Variants in SUCLG2 observed in about 807,000 individuals in gnomAD.
SUCLG2 encodes succinate-CoA ligase GDP-forming subunit beta, also known as succinate--CoA ligase [GDP-forming] subunit beta, mitochondrial.
SUCLG2 carries 42 observed loss-of-function variants against 47.9 expected under a neutral mutation model. The observed-to-expected ratio is 0.88, with a 90% confidence interval of 0.69 to 1.14. SUCLG2 has a LOEUF of 1.14. SUCLG2 is among the 50% of genes most tolerant of loss of function. The probability of loss-of-function intolerance (pLI) is 0.00; values close to 1 mark genes in which losing one functional copy is unlikely to be tolerated. For missense variants in SUCLG2, 571 were observed against 525.9 expected, an observed-to-expected ratio of 1.09 and a Z score of -0.84; for synonymous variants, 195 against 197.3, an observed-to-expected ratio of 0.99 and a Z score of 0.10.
intron 9 of SUCLG2, among the ~76,000 whole-genome samples, chr3:67,458,171 T>C (rs1704235996): frequency 6.6e-6 from 1 of 152,124 alleles, no homozygotes; most frequent in African/African-American, 2.4e-5. Flanking sequence ...GAATGAACAC[T>C]GACAAGAACA....
At chr3:67,441,638 T>C (rs1703766728) in intron 9 of SUCLG2, among the ~76,000 whole-genome samples, 1 of 152,196 alleles carries the variant, frequency 6.6e-6, no homozygotes, top group Non-Finnish European at 1.5e-5. Context: ...TGTTCTAAGT[T>C]GCTCAACTTT....
intron 9 of SUCLG2, among the ~76,000 whole-genome samples, chr3:67,490,318 G>T (rs551912099): frequency 2.6e-4 from 39 of 152,190 alleles, no homozygotes; most frequent in African/African-American, 8.9e-4. Context: ...AAAACGTAAG[G>T]CATTTGCATA....
At chr3:67,531,752 A>G (rs1421355809) in intron 2 of SUCLG2, among the ~76,000 whole-genome samples, 1 of 152,202 alleles carries the variant, frequency 6.6e-6, no homozygotes, top group African/African-American at 2.4e-5. Context: ...TCAGCAGCCC[A>G]AAGTAAAGCA....
At chr3:67,537,242 C>T (rs1007143125) in intron 2 of SUCLG2, among the ~76,000 whole-genome samples, 3 of 152,190 alleles carry the variant, frequency 2.0e-5, no homozygotes, top group Admixed American at 1.3e-4. Context: ...CCGACAGGCC[C>T]CAGTGTGTGA....
chr3:67,592,970 A>T (rs1381232855), intron 2 of SUCLG2, among the ~76,000 whole-genome samples: 2 of 152,204 alleles, frequency 1.3e-5, no homozygotes, highest in African/African-American at 4.8e-5. Context: ...ATAGAAGCAA[A>T]CCACTATGGT....
intron 9 of SUCLG2, among the ~76,000 whole-genome samples, chr3:67,417,868 T>C (rs557898170): frequency 2.6e-5 from 4 of 152,324 alleles, no homozygotes; most frequent in East Asian, 3.9e-4. Flanking sequence ...AGGTGGCCCA[T>C]TGCATCCCTC....
chr3:67,501,783 T>C (rs1239017192), intron 7 of SUCLG2, among the ~76,000 whole-genome samples: 1 of 151,944 alleles, frequency 6.6e-6, no homozygotes, highest in East Asian at 1.9e-4. Flanking sequence ...CACAGGGAGG[T>C]GCTACAGGGT....
chr3:67,571,354 C>T (rs1352480724), intron 2 of SUCLG2, among the ~76,000 whole-genome samples: 1 of 152,176 alleles, frequency 6.6e-6, no homozygotes, highest in Admixed American at 6.5e-5. Flanking sequence ...AAAATGTCTA[C>T]ATCATCAGGT....
chr3:67,633,075 C>T (rs189039031), intron 1 of SUCLG2, among the ~76,000 whole-genome samples: 3 of 152,282 alleles, frequency 2.0e-5, no homozygotes, highest in Non-Finnish European at 1.5e-5. Flanking sequence ...ATTCTCATCG[C>T]TAGAATCCAC....
At chr3:67,525,179 T>C (rs915391316) in intron 4 of SUCLG2, among the ~76,000 whole-genome samples, 7 of 152,132 alleles carry the variant, frequency 4.6e-5, no homozygotes, top group Non-Finnish European at 1.0e-4. Context: ...TTGCAAGGCT[T>C]AACATAACAA....
chr3:67,636,324 G>A (rs1363330411), intron 1 of SUCLG2, among the ~76,000 whole-genome samples: 2 of 151,836 alleles, frequency 1.3e-5, no homozygotes, highest in Admixed American at 1.3e-4. Context: ...CATTCAAAGA[G>A]GTAGGAAAAT....
intron 1 of SUCLG2, among the ~76,000 whole-genome samples, chr3:67,647,984 T>G (rs748550332): frequency 2.0e-5 from 3 of 152,206 alleles, no homozygotes; most frequent in Non-Finnish European, 4.4e-5. Context: ...TTATTCTAGC[T>G]CAATAAAGCC....
intron 1 of SUCLG2, among the ~76,000 whole-genome samples, chr3:67,631,035 G>T (rs1700916782): frequency 6.6e-6 from 1 of 152,174 alleles, no homozygotes; most frequent in Admixed American, 6.5e-5. Context: ...ATAAGAAGAT[G>T]CAGATAAACT....
intron 10 of SUCLG2, among the ~76,000 whole-genome samples, chr3:67,391,437 A>C (rs559478726): frequency 2.0e-5 from 3 of 152,194 alleles, no homozygotes; most frequent in African/African-American, 7.2e-5. Flanking sequence ...GCTGGAGGAG[A>C]GAAAGAAACC....
intron 9 of SUCLG2, among the ~76,000 whole-genome samples, chr3:67,420,508 G>A (rs891164335): frequency 6.6e-6 from 1 of 152,208 alleles, no homozygotes; most frequent in African/African-American, 2.4e-5. Flanking sequence ...GTGGGATGGT[G>A]TGGGAAATAA....
At position 67,622,251 on chromosome 3, in the gene SUCLG2, T is replaced by C. The variant is rs140026367; in HGVS notation, c.85-12655A>G. Among the ~76,000 whole-genome samples, 186 of 152,276 alleles carry C rather than the reference T, an allele frequency of 1.2e-3. 2 individuals carry two copies. Among genetic ancestry groups the C allele is most frequent in the African/African-American group, 4.2e-3 (174 of 41,548 alleles). ...ACAAAGCAAAACACAGGGGAAAAAC[T>C]AGCAAGTGGTAGAACAAGAGGAACA... On this transcript the variant is annotated intron_variant, in intron 1 of 10. Transcript: ENST00000307227.
intron 9 of SUCLG2, among the ~76,000 whole-genome samples, chr3:67,474,957 C>A (rs1480621037): frequency 3.3e-5 from 5 of 150,868 alleles, no homozygotes; most frequent in Admixed American, 3.3e-4. Context: ...ATGATGCCAA[C>A]AAGGTGTGAG....
chr3:67,389,732 T>C (rs1181686538), intron 10 of SUCLG2, among the ~76,000 whole-genome samples: 1 of 152,158 alleles, frequency 6.6e-6, no homozygotes, highest in Non-Finnish European at 1.5e-5. Context: ...CAAGTCTTCA[T>C]TTGTCTACAA....
chr3:67,511,565 C>A (rs902954935), intron 6 of SUCLG2, among the ~76,000 whole-genome samples: 1 of 152,184 alleles, frequency 6.6e-6, no homozygotes, highest in Non-Finnish European at 1.5e-5. Context: ...CTTCGTCTTC[C>A]ACCATGATTG....
Sources: gnomAD v4.1 joint callset for allele counts (sites outside exome capture counted in the v4.1 genomes callset) on GRCh38, gnomAD v4.1.1 for gene constraint, MANE v1.5 for transcripts, NCBI Gene and HGNC (gene_info 2026-07-23, HGNC 2026-07-21) for gene names.